Variants in TTN observed in about 807,000 individuals in gnomAD.
TTN encodes connectin.
TTN carries 1,525 observed loss-of-function variants against 3,223.0 expected under a neutral mutation model. The observed-to-expected ratio is 0.47, with a 90% CI of 0.45 to 0.49. TTN has a LOEUF of 0.49. Among genes scored for constraint, TTN ranks in the 20% least tolerant of loss-of-function variants. TTN has a pLI of 0.00. For missense variants in TTN, 40,786 were observed against 43,424.0 expected (o/e 0.94, Z 5.40); for synonymous variants, 14,094 against 15,161.0 (o/e 0.93, Z 5.17).
chr2:178,677,353 T>C, intron 146 of TTN, 66 bp from the exon 147 acceptor site: 1 of 484,984 alleles, frequency 2.1e-6, no homozygotes, highest in Non-Finnish European at 2.8e-6. Context: ...TATATATATA[T>C]ATATATATGA....
In TTN at chr2:178,732,940, G is replaced by A. The variant is rs1476128867; in HGVS notation, c.16236C>T (p.Ala5412=). Residue 5412 remains alanine, a synonymous_variant, in exon 55 of 363, where the codon GCC becomes GCT. Transcript: ENST00000589042. Reference sequence around the variant, plus strand: ...TGTCTACTCTGATGATCTCCAAAGAGGCTGTGCCTTCCACAAATGCTATCC... The same window carrying A: ...TGTCTACTCTGATGATCTCCAAAGAAGCTGTGCCTTCCACAAATGCTATCC... ...RYRIAFVEGT[A]SLEIIRVDMN... 6.2e-7 allele frequency: 1 copy of A among 1,613,410 alleles called. No individual in the cohort carries two copies. Among genetic ancestry groups the A allele is most frequent in the African/African-American group, 1.3e-5 (1 of 74,896 alleles).
rs767245563 is a variant in TTN at position 178,579,313 on chromosome 2, G to A, written c.67717C>T (p.Pro22573Ser). The A allele has an allele frequency of 6.2e-7, 1 of 1,610,168 alleles. No homozygotes were observed. The change falls in exon 320 of 363, where the codon CCC (proline) becomes TCC (serine). Residue 22573 changes from proline (P) to serine (S), a missense_variant. Pro to Ser is a moderately conservative substitution (Grantham distance 74, BLOSUM62 -1). Coordinates refer to ENST00000589042, the MANE Select transcript of TTN (RefSeq NM_001267550.2). ...KENSNFRLKI[P>S]IKGKPAPSVS... is the part of the protein sequence containing the mutation. ...GATGGAGCTGGCTTGCCTTTTATGG[G>A]GATCTTAAGCCGGAAGTTGCTGTTT...
intron 41 of TTN, 87 bp downstream of exon 41, chr2:178,766,294 C>T (rs2090403665): frequency 1.9e-6 from 2 of 1,075,014 alleles, no homozygotes; most frequent in Non-Finnish European, 2.9e-6. Flanking sequence ...TTAGAAATTT[C>T]CTTCAAGTTA....
At position 178,589,248 on chromosome 2, in the gene TTN, G is replaced by T; in HGVS notation, c.62477C>A (p.Ser20826Ter). Reference protein sequence around the residue: ...PRVKIDTRADSSKFSLTKAKR... With the variant: ...PRVKIDTRAD ...TGCTTTAGTAAGAGAAAATTTAGAT[G>T]AATCAGCACGGGTATCAATCTTGAC... The change falls in exon 304 of 363, where the codon TCA (serine) becomes TAA (stop). Residue 20826 changes from serine to a stop codon, truncating the protein, a stop_gained. Transcript: ENST00000589042. LOFTEE classifies it high-confidence loss of function. The T allele has an allele frequency of 6.2e-7, 1 of 1,613,448 alleles. No individual in the cohort carries two copies. The highest frequency in any genetic ancestry group is 8.5e-7 in the Non-Finnish European group (1 of 1,179,600).
At chr2:178,668,986 T>TA (rs573451981) in intron 159 of TTN, among the ~76,000 whole-genome samples, 4,207 of 144,832 alleles carry the variant, frequency 0.029, 117 homozygotes, top group African/African-American at 0.071. Flanking sequence ...TTATCAAGAG[T>TA]AAAAAAAAAA....
At chr2:178,751,862 T>G (rs1386670205) in intron 47 of TTN, 20 of 1,609,156 alleles carry the variant, frequency 1.2e-5, no homozygotes, top group Non-Finnish European at 1.7e-5. Context: ...TAAAACATAT[T>G]TAAATGTAAG....
Position 178,722,298 on chromosome 2 carries a change from G to A in TTN, c.22489C>T (p.Leu7497Phe). The A allele has an allele frequency of 6.2e-7, 1 of 1,609,200 alleles. No homozygotes were observed. The highest frequency in any genetic ancestry group is 1.1e-5 in the South Asian group (1 of 90,102). ...GQYSCSASNP[L>F]GTASSSARLT... ...CTAGCACTAGAAGATGCTGTTCCAA[G>A]TGGGTTGGAAGCTGAGCAAGAGTAC... Residue 7497 changes from leucine (L) to phenylalanine (F), a missense_variant, in exon 77 of 363, where the codon CTT becomes TTT. Coordinates refer to ENST00000589042, the MANE Select transcript of TTN (RefSeq NM_001267550.2).
At position 178,620,533 on chromosome 2, in the gene TTN, C is replaced by T. The variant is rs1476334999; in HGVS notation, c.45988G>A (p.Val15330Ile). 2.5e-6 allele frequency: 4 copies of T among 1,612,274 alleles called. No homozygotes were observed. Among genetic ancestry groups the T allele is most frequent in the South Asian group, 2.2e-5 (2 of 91,004 alleles). ...CCATTTTTGGTCCACTTCAGTGTTA[C>T]ATTGAGACGATTCACCTTGCACCAG... ...TFWCKVNRLN[V>I]TLKWTKNGEE... The change falls in exon 248 of 363, where the codon GTA becomes ATA. Residue 15330 changes from valine to isoleucine, a missense_variant. By Grantham distance (29) the Val-to-Ile change is conservative. Coordinates refer to ENST00000589042, the MANE Select transcript of TTN (RefSeq NM_001267550.2).
chr2:178,682,524 A>T (rs913018877), intron 135 of TTN, among the ~76,000 whole-genome samples, 173 bp downstream of exon 135: 1 of 151,986 alleles, frequency 6.6e-6, no homozygotes, highest in Admixed American at 6.6e-5. Context: ...GGTTTTTAAA[A>T]TTTTTTCTAG....
Position 178,574,653 on chromosome 2 carries a change from G to A in TTN, c.71479C>T (p.Pro23827Ser). ...CIVANYPFKV[P>S]GPPGTPQVTA... is the part of the protein sequence containing the mutation. ...ACCTGAGGGGTACCAGGAGGTCCAGGAACCTTAAATGGATAGTTGGCAACT... is the reference window on the plus strand; with the variant it reads ...ACCTGAGGGGTACCAGGAGGTCCAGAAACCTTAAATGGATAGTTGGCAACT... The change falls in exon 326 of 363, where the codon CCT becomes TCT. Residue 23827 changes from proline (P) to serine (S), a missense_variant. Coordinates refer to ENST00000589042, the MANE Select transcript of TTN (RefSeq NM_001267550.2). 1 of 1,613,096 alleles carries A rather than the reference G, an allele frequency of 6.2e-7. No individual in the cohort carries two copies. The highest frequency in any genetic ancestry group is 8.5e-7 in the Non-Finnish European group (1 of 1,179,462).
rs370135800 is a variant in TTN, at chr2:178,553,007, T to C, written c.89893A>G (p.Ile29965Val). 4.3e-6 allele frequency: 7 copies of C among 1,611,684 alleles called. No individual in the cohort carries two copies. The African/African-American group carries it at 6.7e-5, about 15-fold the overall frequency. ...DPPLIDGGSP[I>V]INYVIEKRDA... is the part of the protein sequence containing the mutation. ...CTCTTTTCAATGACATAATTAATTA[T>C]TGGAGATCCTCCATCAATGAGAGGA... Residue 29965 changes from isoleucine (I) to valine (V), a missense_variant, in exon 335 of 363, where the codon ATA (isoleucine) becomes GTA (valine). Ile to Val is a conservative substitution (Grantham distance 29). Transcript: ENST00000589042.
At chr2:178,632,844 C>T (rs369412332) in intron 234 of TTN, 52 bp from the exon 235 acceptor site, 6 of 1,612,466 alleles carry the variant, frequency 3.7e-6, no homozygotes, top group Non-Finnish European at 5.1e-6. Context: ...ATTGATGACC[C>T]TTGATCAATG....
Position 178,548,383 on chromosome 2 carries a change from G to A in TTN, c.93243C>T (p.Ala31081=), listed in dbSNP as rs3731748. The A allele has an allele frequency of 0.16, 253,977 of 1,613,564 alleles. 22,907 individuals carry two copies. Among genetic ancestry groups the A allele is most frequent in the East Asian group, 0.43 (19,492 of 44,840 alleles). The change falls in exon 339 of 363, where the codon GCC becomes GCT. Residue 31081 remains alanine (A), a synonymous_variant. Transcript: ENST00000589042. This position sits in a 1 kb window ranked among gnomAD's most constrained non-coding sequence, Gnocchi z 4.3. The part of the protein sequence containing the change: ...TRQIFKVNDL[A]EGVPYYFRVS... ...CACGGAAATAGTACGGAACACCTTC[G>A]GCCAGGTCATTGACCTTGAAGATCT...
At chr2:178,678,091 T>C in intron 145 of TTN, 34 bp downstream of exon 145, 1 of 1,595,062 alleles carries the variant, frequency 6.3e-7, no homozygotes, top group Non-Finnish European at 8.5e-7. Context: ...GTTAGTTTTG[T>C]CTTTTACCAT....
At chr2:178,795,893 C>G (rs1205069690) in intron 6 of TTN, among the ~76,000 whole-genome samples, 1 of 152,190 alleles carries the variant, frequency 6.6e-6, no homozygotes, top group Non-Finnish European at 1.5e-5. Flanking sequence ...TGTTTGTGGA[C>G]AGCTACTTTT....
In TTN at chr2:178,560,565, A is replaced by G. The variant is rs761341032; in HGVS notation, c.85567T>C (p.Phe28523Leu). Reference sequence around the variant, plus strand: ...TATTTATTAACACCAGTTACTCTAAATATATATTCATTGCCTTTGAGTAAC... The same window carrying G: ...TATTTATTAACACCAGTTACTCTAAGTATATATTCATTGCCTTTGAGTAAC... The part of the protein sequence containing the change: ...TKLLKGNEYI[F>L]RVTGVNKYGV... The change falls in exon 326 of 363, where the codon TTT (phenylalanine) becomes CTT (leucine). Residue 28523 changes from phenylalanine (F) to leucine (L), a missense_variant. Coordinates refer to ENST00000589042, the MANE Select transcript of TTN (RefSeq NM_001267550.2). The G allele has an allele frequency of 6.2e-7, 1 of 1,613,294 alleles. No homozygotes were observed. Among genetic ancestry groups the G allele is most frequent in the Non-Finnish European group, 8.5e-7 (1 of 1,179,686 alleles).
intron 34 of TTN, 22 bp from the exon 35 acceptor site, chr2:178,770,697 G>C (rs367728275): frequency 6.2e-7 from 1 of 1,605,886 alleles, no homozygotes; most frequent in South Asian, 1.1e-5. Flanking sequence ...TTTATGATTG[G>C]GTTAGAAAAT....
rs1306869040 is a variant in TTN, at chr2:178,652,520, A to T, written c.39065T>A (p.Val13022Asp). 6.2e-7 allele frequency: 1 copy of T among 1,613,480 alleles called. No individual in the cohort carries two copies. The highest frequency in any genetic ancestry group is 1.3e-5 in the African/African-American group (1 of 74,904). Residue 13022 changes from valine to aspartate, a missense_variant, in exon 202 of 363, where the codon GTT becomes GAT. Transcript: ENST00000589042. ...CGCTGGCACTTTCTTTTCAGGAACA[A>T]CTTCTTTCGGAGCCTCTGGCACTTA... ...PVKVPEAPKEVVPEKKVPAAP... is the reference protein window; with the variant it reads ...PVKVPEAPKEDVPEKKVPAAP...
In TTN at chr2:178,575,681, G is replaced by C; in HGVS notation, c.70451C>G (p.Thr23484Arg). ...KREATRKSYSTATTKCHKCTY... is the reference protein window; with the variant it reads ...KREATRKSYSRATTKCHKCTY... ...GCATTTATGGCACTTAGTGGTGGCTGTGGAATAAGATTTCCGTGTTGCTTC... is the reference window on the plus strand; with the variant it reads ...GCATTTATGGCACTTAGTGGTGGCTCTGGAATAAGATTTCCGTGTTGCTTC... The change falls in exon 326 of 363, where the codon ACA becomes AGA. Residue 23484 changes from threonine to arginine, a missense_variant. Transcript: ENST00000589042. The surrounding 1 kb of genome is among the most constrained non-coding windows in gnomAD (Gnocchi z 4.0). 6.2e-7 allele frequency: 1 copy of C among 1,613,596 alleles called. No individual in the cohort carries two copies. Among genetic ancestry groups the C allele is most frequent in the Non-Finnish European group, 8.5e-7 (1 of 1,179,656 alleles).
Sources: gnomAD v4.1 joint callset for allele counts (sites outside exome capture counted in the v4.1 genomes callset) on GRCh38, gnomAD v4.1.1 for gene constraint, Gnocchi (gnomAD v3.1) non-coding constraint, MANE v1.5 for transcripts, NCBI Gene and HGNC (gene_info 2026-07-23, HGNC 2026-07-21) for gene names.